GRIA1: variants seen among roughly 807,000 people sequenced by gnomAD.
GRIA1 encodes the protein glutamate receptor 1.
GRIA1 carries 31 observed loss-of-function variants against 99.2 expected under a neutral mutation model. That is an observed-to-expected ratio of 0.31 (90% CI 0.23 to 0.42). The LOEUF (loss-of-function observed/expected upper bound fraction) is 0.42, where lower values mean the gene tolerates loss of function less well. Among genes scored for constraint, GRIA1 ranks in the 10% least tolerant of loss-of-function variants. The pLI, the probability that GRIA1 is intolerant of heterozygous loss-of-function variation, is 1.00. For missense variants in GRIA1, 782 were observed against 1,157.5 expected (o/e 0.68, Z 4.71); for synonymous variants, 438 against 432.4 (o/e 1.01, Z -0.16).
intron 5 of GRIA1, among the ~76,000 whole-genome samples, chr5:153,668,968 C>T (rs1459273509): frequency 2.0e-5 from 3 of 152,196 alleles, no homozygotes; most frequent in Non-Finnish European, 4.4e-5. Context: ...CAGTAGAACA[C>T]ATTTGTGAAG....
chr5:153,658,449 G>A (rs1755111793), intron 5 of GRIA1, among the ~76,000 whole-genome samples: 1 of 152,060 alleles, frequency 6.6e-6, no homozygotes, highest in Admixed American at 6.5e-5. Context: ...CCTCTCAAAT[G>A]CTTACAGCTG....
intron 2 of GRIA1, among the ~76,000 whole-genome samples, chr5:153,582,127 T>C (rs1204094030): frequency 6.6e-6 from 1 of 152,222 alleles, no homozygotes; most frequent in East Asian, 1.9e-4. Flanking sequence ...TAGCACAGAA[T>C]AGATCTATTA....
In GRIA1 at chr5:153,663,274, T is replaced by C. The variant is rs138278534; in HGVS notation, c.699+7402T>C. Among the ~76,000 whole-genome samples the C allele has an allele frequency of 1.1e-3, 170 of 152,344 alleles. 1 individual carries two copies. The Middle Eastern group carries it at 0.02, about 18-fold the overall frequency. On this transcript the variant is annotated intron_variant, in intron 5 of 15. Coordinates refer to ENST00000285900, the MANE Select transcript of GRIA1 (RefSeq NM_000827.4). ...GTTGAAAAACCTTTTGTAAAGTCAT[T>C]TGACTAAAACTGGAATTCAAACTTA...
At chr5:153,644,329 G>A (rs1862408) in intron 2 of GRIA1, among the ~76,000 whole-genome samples, 2 of 152,172 alleles carry the variant, frequency 1.3e-5, no homozygotes, top group Admixed American at 6.5e-5. Context: ...GGAGAAAATA[G>A]TGTGAGTGGC....
chr5:153,740,506 G>A (rs1761706507), intron 11 of GRIA1, among the ~76,000 whole-genome samples: 1 of 152,220 alleles, frequency 6.6e-6, no homozygotes, highest in Non-Finnish European at 1.5e-5. Flanking sequence ...TTCTAATCCT[G>A]TCACTTAGAG....
In GRIA1 at chr5:153,811,039, C is replaced by T. The variant is rs1168420017; in HGVS notation, c.2535C>T (p.Ile845=). ...ESKRMKGFCL[I]PQQSINEAIR... The stretch of plus-strand genomic sequence containing the variant: ...CTCCTGAAAAGGGTTTTTGTTTGAT[C>T]CCACAGCAATCCATCAACGAAGCCA... The change falls in exon 16 of 16, where the codon ATC becomes ATT. Residue 845 remains isoleucine (I), a synonymous_variant. Coordinates refer to ENST00000285900, the MANE Select transcript of GRIA1 (RefSeq NM_000827.4). 1.2e-6 allele frequency: 2 copies of T among 1,613,806 alleles called. No homozygotes were observed. The highest frequency in any genetic ancestry group is 1.7e-5 in the Admixed American group (1 of 60,008).
intron 2 of GRIA1, among the ~76,000 whole-genome samples, chr5:153,633,292 A>T (rs545681362): frequency 4.6e-5 from 7 of 152,120 alleles, no homozygotes; most frequent in African/African-American, 1.7e-4. Flanking sequence ...ATTAATTTGA[A>T]TCTCAGCCTT....
intron 13 of GRIA1, among the ~76,000 whole-genome samples, chr5:153,787,581 G>A (rs1765043362): frequency 6.6e-6 from 1 of 152,122 alleles, no homozygotes; most frequent in Admixed American, 6.5e-5. Flanking sequence ...TCAGTGCCAA[G>A]CACAGGATTT....
chr5:153,667,685 G>A (rs1298607991), intron 5 of GRIA1, among the ~76,000 whole-genome samples: 1 of 152,210 alleles, frequency 6.6e-6, no homozygotes, highest in African/African-American at 2.4e-5. Context: ...GAGCCTCAGA[G>A]AGGTTAAGTA....
At chr5:153,674,391 G>A in intron 5 of GRIA1, 109 bp from the exon 6 acceptor site, 1 of 1,184,792 alleles carries the variant, frequency 8.4e-7, no homozygotes, top group Non-Finnish European at 1.2e-6. Flanking sequence ...TCTCCATTGA[G>A]TAGGTTTCAT....
rs867734929 is a variant in GRIA1 at position 153,811,153 on chromosome 5, C to T, written c.2649C>T (p.Phe883=). The change falls in exon 16 of 16, where the codon TTC becomes TTT. Residue 883 remains phenylalanine, a synonymous_variant. Transcript: ENST00000285900. ...GENGRVVSHD[F]PKSMQSIPCM... ...ATGGTCGGGTGGTCAGCCATGACTTCCCCAAGTCCATGCAATCGATTCCTT... is the reference window on the plus strand; with the variant it reads ...ATGGTCGGGTGGTCAGCCATGACTTTCCCAAGTCCATGCAATCGATTCCTT... 2 of 1,614,148 alleles carry T rather than the reference C, an allele frequency of 1.2e-6. No individual in the cohort carries two copies. The highest frequency in any genetic ancestry group is 1.7e-6 in the Non-Finnish European group (2 of 1,179,994).
At chr5:153,723,279 G>A (rs1158878006) in intron 11 of GRIA1, among the ~76,000 whole-genome samples, 1 of 152,202 alleles carries the variant, frequency 6.6e-6, no homozygotes, top group Non-Finnish European at 1.5e-5. Context: ...TGGCTGAATA[G>A]GAACAGCTCC....
intron 2 of GRIA1, among the ~76,000 whole-genome samples, chr5:153,588,257 TC>T (rs1220595634): frequency 6.6e-6 from 1 of 152,186 alleles, no homozygotes; most frequent in Non-Finnish European, 1.5e-5. Flanking sequence ...ATACCTAGTC[TC>T]CCCTTCTGGC....
At chr5:153,804,559 A>G (rs2149675608) in intron 15 of GRIA1, among the ~76,000 whole-genome samples, 1 of 152,288 alleles carries the variant, frequency 6.6e-6, no homozygotes, top group East Asian at 1.9e-4. Context: ...AGTACAGATT[A>G]TAAGGAGTTC....
intron 11 of GRIA1, among the ~76,000 whole-genome samples, chr5:153,753,523 T>C (rs892569691): frequency 9.9e-5 from 15 of 152,204 alleles, no homozygotes; most frequent in African/African-American, 3.6e-4. Flanking sequence ...GTCCCAGCTC[T>C]GTCATTGCCT....
At chr5:153,665,158 A>G (rs1755654770) in intron 5 of GRIA1, among the ~76,000 whole-genome samples, 1 of 152,204 alleles carries the variant, frequency 6.6e-6, no homozygotes. Context: ...GCAGCCTTGC[A>G]CTCAATAGCC....
intron 2 of GRIA1, among the ~76,000 whole-genome samples, chr5:153,639,639 A>C (rs559614619): frequency 2.0e-5 from 3 of 152,298 alleles, no homozygotes; most frequent in South Asian, 4.1e-4. Flanking sequence ...CGCAGCATCC[A>C]AAATGGCCTT....
rs538327555 is a variant in GRIA1, at chr5:153,649,616, C to A, written c.461-714C>A. On this transcript the variant is annotated intron_variant, in intron 3 of 15. Coordinates refer to ENST00000285900, the MANE Select transcript of GRIA1 (RefSeq NM_000827.4). Reference sequence around the variant, plus strand: ...GGGATTACAGGTACCTGCCACCATGCCTGGCTAATTTTTGTAATTTTTTTT... The same window carrying A: ...GGGATTACAGGTACCTGCCACCATGACTGGCTAATTTTTGTAATTTTTTTT... Among the ~76,000 whole-genome samples the A allele has an allele frequency of 3.3e-4, 50 of 152,052 alleles. No homozygotes were observed. The South Asian group carries it at 7.1e-3, about 21-fold the overall frequency.
At chr5:153,704,727 A>T (rs1246667260) in intron 10 of GRIA1, among the ~76,000 whole-genome samples, 1 of 152,138 alleles carries the variant, frequency 6.6e-6, no homozygotes, top group East Asian at 1.9e-4. Flanking sequence ...CCCTCTTTCA[A>T]TGCCAACTTT....
Sources: allele counts gnomAD v4.1 joint callset (sites outside exome capture counted in the v4.1 genomes callset), GRCh38; gene constraint gnomAD v4.1.1; transcripts MANE v1.5; gene names NCBI Gene and HGNC (gene_info 2026-07-23, HGNC 2026-07-21).